Variants in DNAH11 observed in about 807,000 individuals in gnomAD.
DNAH11 encodes dynein axonemal heavy chain 11.
A neutral mutation model predicts 526.0 loss-of-function variants in DNAH11; 442 were observed. The ratio of observed to expected loss-of-function variants is 0.84; its 90% CI spans 0.78 to 0.91. The LOEUF is 0.91. Among genes scored for constraint, DNAH11 ranks in the 40% least tolerant of loss-of-function variants. The pLI, the probability that DNAH11 is intolerant of heterozygous loss-of-function variation, is 0.00. For synonymous variants in DNAH11, 2,461 were observed against 1,935.9 expected, an observed-to-expected ratio of 1.27 and a Z score of -7.12; for missense variants, 6,989 against 5,448.7, an observed-to-expected ratio of 1.28 and a Z score of -8.90.
chr7:21,804,758 A>G (rs114271545), intron 62 of DNAH11, among the ~76,000 whole-genome samples: 2,110 of 152,206 alleles, frequency 0.014, 39 homozygotes, highest in African/African-American at 0.042. Context: ...TGCAGGCCCC[A>G]CCATTACCTC....
At chr7:21,769,495 C>CT (rs1562535526) in intron 55 of DNAH11, among the ~76,000 whole-genome samples, 2 of 148,638 alleles carry the variant, frequency 1.3e-5, no homozygotes, top group Non-Finnish European at 3.0e-5. Context: ...TTTTTTTTTT[C>CT]TTTTTTTGAG....
chr7:21,819,136 C>G (rs1789944630), intron 65 of DNAH11, among the ~76,000 whole-genome samples: 1 of 152,182 alleles, frequency 6.6e-6, no homozygotes, highest in South Asian at 2.1e-4. Context: ...ATTCACTAGA[C>G]TTAATTCACT....
Position 21,543,489 on chromosome 7 carries a change from GA to G in DNAH11, c.247del (p.Ser83AlafsTer57). 1 of 1,604,090 alleles carries G rather than the reference GA, an allele frequency of 6.2e-7. No homozygotes were observed. Among genetic ancestry groups the G allele is most frequent in the East Asian group, 2.2e-5 (1 of 44,580 alleles). On this transcript the variant is annotated frameshift_variant, in exon 1 of 82. Coordinates refer to ENST00000409508, the MANE Select transcript of DNAH11 (RefSeq NM_001277115.2). LOFTEE classifies it high-confidence loss of function. Reference sequence around the variant, plus strand: ...GGAGGAGAAATGGAGCCAGTATTTGGAAAGCGAGGACAACCGGCAGGTTCTT... The same window carrying G: ...GGAGGAGAAATGGAGCCAGTATTTGGAAGCGAGGACAACCGGCAGGTTCTT... ...FTEEKWSQYLESEDNRQVLGE... is the reference protein window; with the variant it reads ...FTEEKWSQYLXSEDNRQVLGE...
intron 52 of DNAH11, 60 bp from the exon 53 acceptor site, chr7:21,749,618 C>G: frequency 6.3e-7 from 1 of 1,598,582 alleles, no homozygotes; most frequent in Non-Finnish European, 8.5e-7. Context: ...CACTCACACA[C>G]AACCTCTCAA....
chr7:21,688,975 A>G (rs1783502526), intron 34 of DNAH11, among the ~76,000 whole-genome samples: 1 of 152,214 alleles, frequency 6.6e-6, no homozygotes, highest in Non-Finnish European at 1.5e-5. Flanking sequence ...GAACATTTTC[A>G]ATGTCCCAAG....
At chr7:21,714,453 A>G (rs531254735) in intron 42 of DNAH11, among the ~76,000 whole-genome samples, 38 of 152,306 alleles carry the variant, frequency 2.5e-4, no homozygotes, top group African/African-American at 8.4e-4. Context: ...TTTTAGAATA[A>G]AGGGTATTTT....
chr7:21,747,212 C>T (rs1168913026), intron 51 of DNAH11, among the ~76,000 whole-genome samples: 1 of 152,166 alleles, frequency 6.6e-6, no homozygotes, highest in African/African-American at 2.4e-5. Context: ...TAGCTTTCCC[C>T]AAGGTTGTTT....
Position 21,846,381 on chromosome 7 carries a change from C to T in DNAH11, c.10896+3633C>T, listed in dbSNP as rs558426336. ...CTCTTCTTTTAGATCTTCTTTATCA[C>T]GTTAAGAAAGTTCCCCTCTATTTCT... On this transcript the variant is annotated intron_variant, in intron 66 of 81. Coordinates refer to ENST00000409508, the MANE Select transcript of DNAH11 (RefSeq NM_001277115.2). 3.9e-5 allele frequency among the ~76,000 whole-genome samples: 6 copies of T among 152,062 alleles called. 1 individual carries two copies. The highest frequency in any genetic ancestry group is 7.4e-5 in the Non-Finnish European group (5 of 67,966).
intron 43 of DNAH11, among the ~76,000 whole-genome samples, chr7:21,719,603 T>G (rs2128483547): frequency 6.6e-6 from 1 of 152,334 alleles, no homozygotes; most frequent in South Asian, 2.1e-4. Context: ...AATAGCAAAT[T>G]GGTGAGTTTT....
At chr7:21,652,014 G>A (rs1006601225) in intron 28 of DNAH11, among the ~76,000 whole-genome samples, 3 of 152,204 alleles carry the variant, frequency 2.0e-5, no homozygotes, top group Admixed American at 6.5e-5. Flanking sequence ...TGGACAGAAG[G>A]AAATAGTAAC....
At chr7:21,734,266 C>T (rs1049434742) in intron 45 of DNAH11, among the ~76,000 whole-genome samples, 1 of 152,138 alleles carries the variant, frequency 6.6e-6, no homozygotes, top group Non-Finnish European at 1.5e-5. Flanking sequence ...TGTCTTATGA[C>T]ATTATACATG....
At chr7:21,803,362 C>T (rs1029249595) in intron 62 of DNAH11, among the ~76,000 whole-genome samples, 1 of 152,182 alleles carries the variant, frequency 6.6e-6, no homozygotes, top group Non-Finnish European at 1.5e-5. Context: ...CCCTCTGCCT[C>T]TCCACGCTCA....
intron 30 of DNAH11, among the ~76,000 whole-genome samples, chr7:21,669,440 GGA>G (rs1409503173): frequency 2.0e-5 from 3 of 152,076 alleles, no homozygotes; most frequent in African/African-American, 7.2e-5. Context: ...CAAAGTGTTG[GGA>G]TTAAAGGTGT....
chr7:21,879,372 G>A lies in DNAH11; in HGVS notation c.12196-1330G>A, dbSNP rs146240399. 6.5e-4 allele frequency among the ~76,000 whole-genome samples: 99 copies of A among 151,892 alleles called. No individual in the cohort carries two copies. The East Asian group carries it at 0.018, about 27-fold the overall frequency. On this transcript the variant is annotated intron_variant, in intron 74 of 81. Coordinates refer to ENST00000409508, the MANE Select transcript of DNAH11 (RefSeq NM_001277115.2). ...CTCGGGAGGCTGAGGCAGAAGAATC[G>A]CCTGAACCCTGGAGGCGGAGGTTGC...
In DNAH11 at chr7:21,599,904, T is replaced by A. The variant is rs532612017; in HGVS notation, c.2785T>A (p.Phe929Ile). The A allele has an allele frequency of 6.2e-7, 1 of 1,613,698 alleles. No homozygotes were observed. Among genetic ancestry groups the A allele is most frequent in the Non-Finnish European group, 8.5e-7 (1 of 1,179,752 alleles). ...FFQAIMHDLD[F>I]FLKNTEKQLK... ...TCAGGCTATAATGCACGACTTAGAC[T>A]TCTTTCTGAAGAATACAGAGAAACA... The change falls in exon 15 of 82, where the codon TTC becomes ATC. Residue 929 changes from phenylalanine to isoleucine, a missense_variant. Phe to Ile is a conservative substitution (Grantham distance 21). Coordinates refer to ENST00000409508, the MANE Select transcript of DNAH11 (RefSeq NM_001277115.2).
chr7:21,742,302 T>A, intron 49 of DNAH11, 136 bp downstream of exon 49: 1 of 1,091,982 alleles, frequency 9.2e-7, no homozygotes, highest in Non-Finnish European at 1.3e-6. Flanking sequence ...TTAATTGGCT[T>A]ATGGTTCTGC....
chr7:21,878,581 T>G (rs141423679), intron 74 of DNAH11, among the ~76,000 whole-genome samples: 2 of 152,186 alleles, frequency 1.3e-5, no homozygotes, highest in African/African-American at 4.8e-5. Flanking sequence ...TTTTAATGAT[T>G]GTATATTTCC....
chr7:21,745,928 C>A (rs1340789529), intron 51 of DNAH11, among the ~76,000 whole-genome samples: 1 of 151,978 alleles, frequency 6.6e-6, no homozygotes, highest in Non-Finnish European at 1.5e-5. Flanking sequence ...TGCATCTGAC[C>A]CTAAGGCAAG....
intron 36 of DNAH11, among the ~76,000 whole-genome samples, chr7:21,699,594 A>G (rs1783980953): frequency 6.6e-6 from 1 of 152,156 alleles, no homozygotes; most frequent in Admixed American, 6.6e-5. Context: ...TCCTTTTAGT[A>G]ACTGTGAATT....
Sources: allele counts gnomAD v4.1 joint callset (sites outside exome capture counted in the v4.1 genomes callset), GRCh38; gene constraint gnomAD v4.1.1; transcripts MANE v1.5; gene names NCBI Gene and HGNC (gene_info 2026-07-23, HGNC 2026-07-21).